The following GUCY2D variants were observed in gnomAD, a reference collection of about 807,000 sequenced individuals.
GUCY2D encodes guanylate cyclase 2D, retinal.
A neutral mutation model predicts 101.3 loss-of-function variants in GUCY2D; 70 were observed. The observed-to-expected ratio is 0.69, with a 90% CI of 0.57 to 0.84. The LOEUF is 0.84. GUCY2D is among the 40% of genes least tolerant of loss of function. The pLI is 0.00. For synonymous variants in GUCY2D, 688 were observed against 670.7 expected (o/e 1.03, Z -0.40); for missense variants, 1,460 against 1,542.5 (o/e 0.95, Z 0.90).
In GUCY2D at chr17:8,002,632, C is replaced by A. The variant is rs1035574478; in HGVS notation, c.-112C>A. On this transcript the variant is annotated 5_prime_UTR_variant, in exon 1 of 20. In the 5' UTR this introduces an upstream ATG that the reference lacks. Transcript: ENST00000254854. This position sits in a 1 kb window ranked among gnomAD's most constrained non-coding sequence, Gnocchi z 4.9. Reference sequence around the variant, plus strand: ...GGCCGGCTGTACCCACGCCCCCGCCCTGGCCTGGGCTGGCAAGGAAGACCT... The same window carrying A: ...GGCCGGCTGTACCCACGCCCCCGCCATGGCCTGGGCTGGCAAGGAAGACCT... 4 of 199,318 alleles carry A rather than the reference C, an allele frequency of 2.0e-5. No individual in the cohort carries two copies. The South Asian group carries it at 4.3e-4, about 22-fold the overall frequency. The allele number at this position is 199,318 out of a possible 1,614,324, so 12.3% of individuals were successfully genotyped here.
At position 8,003,505 on chromosome 17, in the gene GUCY2D, C is replaced by T; in HGVS notation, c.458C>T (p.Pro153Leu). 6.5e-7 allele frequency: 1 copy of T among 1,532,438 alleles called. No homozygotes were observed. Among genetic ancestry groups the T allele is most frequent in the Non-Finnish European group, 8.7e-7 (1 of 1,145,850 alleles). 94.9% of individuals were successfully genotyped at this position (1,532,438 alleles called of 1,614,324 possible). A position where few individuals can be genotyped will look rare whatever the true frequency, so the allele number is the denominator to read the frequency against. Reference protein sequence around the residue: ...AGIALVPWGCPWTQAEGTTAP... With the variant: ...AGIALVPWGCLWTQAEGTTAP... ...ATCGCGCTGGTGCCCTGGGGCTGCC[C>T]CTGGACGCAGGCGGAGGGCACCACG... The change falls in exon 2 of 20, where the codon CCC becomes CTC. Residue 153 changes from proline (P) to leucine (L), a missense_variant. Transcript: ENST00000254854.
chr17:8,007,365 C>T (rs1220440190), intron 5 of GUCY2D, 61 bp from the exon 6 acceptor site: 3 of 1,177,924 alleles, frequency 2.5e-6, no homozygotes, highest in East Asian at 4.7e-5. Flanking sequence ...CCCGCATCCC[C>T]TGCTGGTCTC....
chr17:8,013,530 C>A lies in GUCY2D; in HGVS notation c.2263+278C>A. 1 of 577,852 alleles carries A rather than the reference C, an allele frequency of 1.7e-6. No individual in the cohort carries two copies. Among genetic ancestry groups the A allele is most frequent in the Non-Finnish European group, 3.1e-6 (1 of 322,614 alleles). 35.8% of individuals were successfully genotyped at this position (577,852 alleles called of 1,614,324 possible). ...GACAGAACAGACTCCTCTCTGTTCTCAGGGGTCCCTGGGAGGAGCAGGGGA... is the reference window on the plus strand; with the variant it reads ...GACAGAACAGACTCCTCTCTGTTCTAAGGGGTCCCTGGGAGGAGCAGGGGA... On this transcript the variant is annotated intron_variant, in intron 11 of 19. Coordinates refer to ENST00000254854, the MANE Select transcript of GUCY2D (RefSeq NM_000180.4). This position sits in a 1 kb window ranked among gnomAD's most constrained non-coding sequence, Gnocchi z 5.0.
In GUCY2D at chr17:8,015,324, C is replaced by T. The variant is rs1975943374; in HGVS notation, c.2770-4C>T. 6.2e-7 allele frequency: 1 copy of T among 1,604,396 alleles called. No homozygotes were observed. The highest frequency in any genetic ancestry group is 1.7e-5 in the Admixed American group (1 of 60,008). Reference sequence around the variant, plus strand: ...AAAATTCACACAACTCCTTCTTCCCCCAGGTGGAGACAATAGGGGACGCCT... The same window carrying T: ...AAAATTCACACAACTCCTTCTTCCCTCAGGTGGAGACAATAGGGGACGCCT... On this transcript the variant is annotated splice_region_variant and splice_polypyrimidine_tract_variant and intron_variant, in intron 14 of 19. Transcript: ENST00000254854.
chr17:8,014,542 T>A lies in GUCY2D; in HGVS notation c.2413-59T>A. On this transcript the variant is annotated intron_variant, in intron 12 of 19. Coordinates refer to ENST00000254854, the MANE Select transcript of GUCY2D (RefSeq NM_000180.4). This position sits in a 1 kb window ranked among gnomAD's most constrained non-coding sequence, Gnocchi z 4.0. ...CATGAGAGGGCCCATGAGGGGGGCA[T>A]AAAGAGGGCATGGCAACCCAGGTCT... 2 of 1,547,556 alleles carry A rather than the reference T, an allele frequency of 1.3e-6. No homozygotes were observed. The highest frequency in any genetic ancestry group is 1.8e-6 in the Non-Finnish European group (2 of 1,120,948).
At chr17:8,012,058 TG>T in intron 8 of GUCY2D, 85 bp from the exon 9 acceptor site, 1 of 926,268 alleles carries the variant, frequency 1.1e-6, no homozygotes, top group Non-Finnish European at 1.8e-6. Flanking sequence ...CTTCTGGGTC[TG>T]GATACTCAAA....
In GUCY2D at chr17:8,015,985, C is replaced by T. The variant is rs749621660; in HGVS notation, c.3102C>T (p.Gly1034=). The change falls in exon 17 of 20, where the codon GGC becomes GGT. Residue 1034 remains glycine, a synonymous_variant. Coordinates refer to ENST00000254854, the MANE Select transcript of GUCY2D (RefSeq NM_000180.4). ...GGATTCTCCGTGCTCTGGACTCGGG[C>T]TACCAGGTGGAGCTGCGAGGCCGCA... The part of the protein sequence containing the change: ...TVGILRALDS[G]YQVELRGRTE... The T allele has an allele frequency of 3.7e-5, 60 of 1,611,486 alleles. No homozygotes were observed. In the Middle Eastern group the frequency reaches 8.2e-4, roughly 22 times the overall value.
At chr17:8,016,100 C>A in intron 17 of GUCY2D, 79 bp downstream of exon 17, 1 of 1,388,782 alleles carries the variant, frequency 7.2e-7, no homozygotes, top group Non-Finnish European at 1.0e-6. Flanking sequence ...GGCTGCAAAC[C>A]TCAGCTCACC....
At position 8,008,019 on chromosome 17, in the gene GUCY2D, T is replaced by C. The variant is rs2151801111; in HGVS notation, c.1655T>C (p.Ile552Thr). ...GPSQHLDSPNIGVYEGDRVWL... is the reference protein window; with the variant it reads ...GPSQHLDSPNTGVYEGDRVWL... ...AGCCAACACTTGGACAGCCCCAACA[T>C]TGGTGTCTATGAGGTGAGCCTGACC... Residue 552 changes from isoleucine to threonine, a missense_variant, in exon 7 of 20, where the codon ATT becomes ACT. Coordinates refer to ENST00000254854, the MANE Select transcript of GUCY2D (RefSeq NM_000180.4). 3 of 1,607,332 alleles carry C rather than the reference T, an allele frequency of 1.9e-6. No homozygotes were observed. In the East Asian group the frequency reaches 6.7e-5, roughly 36 times the overall value.
chr17:8,012,383 G>A (rs374927150), intron 9 of GUCY2D, 33 bp downstream of exon 9: 451 of 1,610,448 alleles, frequency 2.8e-4, no homozygotes, highest in Non-Finnish European at 3.8e-4. Flanking sequence ...GTGACGTCCT[G>A]GGGGCAGGGA....
intron 4 of GUCY2D, 138 bp downstream of exon 4, chr17:8,006,852 GA>G (rs1374318477): frequency 2.2e-6 from 2 of 894,678 alleles, no homozygotes; most frequent in Non-Finnish European, 3.6e-6. Context: ...GCTTGCACAG[GA>G]CCCCTCTCTT....
At position 8,003,725 on chromosome 17, in the gene GUCY2D, C is replaced by T; in HGVS notation, c.678C>T (p.Ala226=). ...TGGAGCCCTTGGACCTGTCTGGAGC[C>T]CGGGAGGCCCTGAGGAAGGTTCGGG... is the stretch of plus-strand genomic sequence containing the variant. The part of the protein sequence containing the change: ...TSMEPLDLSG[A]REALRKVRDG... The change falls in exon 2 of 20, where the codon GCC becomes GCT. Residue 226 remains alanine, a synonymous_variant. Coordinates refer to ENST00000254854, the MANE Select transcript of GUCY2D (RefSeq NM_000180.4). 1 of 1,598,488 alleles carries T rather than the reference C, an allele frequency of 6.3e-7. No homozygotes were observed. Among genetic ancestry groups the T allele is most frequent in the Non-Finnish European group, 8.5e-7 (1 of 1,179,704 alleles).
intron 5 of GUCY2D, 133 bp from the exon 6 acceptor site, chr17:8,007,293 G>T (rs1216168761): frequency 1.1e-6 from 1 of 892,438 alleles, no homozygotes; most frequent in East Asian, 2.4e-5. Context: ...AGTCCCAGGG[G>T]ATGTGTGCTT....
intron 5 of GUCY2D, 105 bp from the exon 6 acceptor site, chr17:8,007,321 C>G: frequency 1.1e-6 from 1 of 930,424 alleles, no homozygotes; most frequent in Non-Finnish European, 1.8e-6. Context: ...GGCTGCCCTC[C>G]AGGACCCCTC....
At chr17:8,012,763 G>T (rs549995044) in intron 10 of GUCY2D, among the ~76,000 whole-genome samples, 157 bp downstream of exon 10, 1 of 152,228 alleles carries the variant, frequency 6.6e-6, no homozygotes, top group African/African-American at 2.4e-5. Context: ...CCTCTGAGAG[G>T]GTGGGCTCTG....
intron 15 of GUCY2D, 95 bp from the exon 16 acceptor site, chr17:8,015,648 G>A (rs923636238): frequency 1.7e-6 from 2 of 1,199,868 alleles, no homozygotes; most frequent in Non-Finnish European, 2.4e-6. Flanking sequence ...TGGGGGGCTG[G>A]TGGAGATAAT....
In GUCY2D at chr17:8,014,112, G is replaced by A. The variant is rs1194752602; in HGVS notation, c.2412+84G>A. The A allele has an allele frequency of 1.6e-6, 2 of 1,268,776 alleles. No individual in the cohort carries two copies. Among genetic ancestry groups the A allele is most frequent in the African/African-American group, 2.9e-5 (2 of 68,648 alleles). 78.6% of individuals were successfully genotyped at this position (1,268,776 alleles called of 1,614,324 possible). On this transcript the variant is annotated intron_variant, in intron 12 of 19. Transcript: ENST00000254854. The surrounding 1 kb of genome is among the most constrained non-coding windows in gnomAD (Gnocchi z 4.0). ...AGCAACCTGAGACAGCTGCAGACAGGCAGGCTGGCAGGACCTCTGGCCTTC... is the reference window on the plus strand; with the variant it reads ...AGCAACCTGAGACAGCTGCAGACAGACAGGCTGGCAGGACCTCTGGCCTTC...
At position 8,002,762 on chromosome 17, in the gene GUCY2D, A is replaced by C; in HGVS notation, c.-10+28A>C. On this transcript the variant is annotated intron_variant, in intron 1 of 19. Transcript: ENST00000254854. The surrounding 1 kb of genome is among the most constrained non-coding windows in gnomAD (Gnocchi z 4.9). ...AAATGTCAGAGGCCCCTCCGCTGGGATAGGGTCGGTCTGAGGGCGCAGGCG... is the reference window on the plus strand; with the variant it reads ...AAATGTCAGAGGCCCCTCCGCTGGGCTAGGGTCGGTCTGAGGGCGCAGGCG... 4 of 417,278 alleles carry C rather than the reference A, an allele frequency of 9.6e-6. No individual in the cohort carries two copies. The highest frequency in any genetic ancestry group is 1.3e-5 in the Non-Finnish European group (3 of 235,170). 25.8% of individuals were successfully genotyped at this position (417,278 alleles called of 1,614,324 possible). A position where few individuals can be genotyped will look rare whatever the true frequency, so the allele number is the denominator to read the frequency against.
At chr17:8,007,819 T>C in intron 6 of GUCY2D, 112 bp from the exon 7 acceptor site, 2 of 733,786 alleles carry the variant, frequency 2.7e-6, no homozygotes, top group East Asian at 2.6e-5. Context: ...CCTTCCCTCA[T>C]TGAGATTCCT....
Sources: allele counts gnomAD v4.1 joint callset (sites outside exome capture counted in the v4.1 genomes callset), GRCh38; gene constraint gnomAD v4.1.1; non-coding constraint Gnocchi (gnomAD v3.1); transcripts MANE v1.5; gene names NCBI Gene and HGNC (gene_info 2026-07-23, HGNC 2026-07-21).